The following NEGR1 variants were observed in gnomAD, a reference collection of about 807,000 sequenced individuals.
NEGR1 encodes the protein IgLON family member 4.
Under a neutral mutation model 40.9 loss-of-function variants are expected in NEGR1, and 10 were observed. The observed-to-expected ratio is 0.24, with a 90% confidence interval of 0.15 to 0.42. NEGR1 has a LOEUF of 0.42. Among genes scored for constraint, NEGR1 ranks in the 10% least tolerant of loss-of-function variants. The probability of loss-of-function intolerance (pLI) is 1.00; values close to 1 mark genes in which losing one functional copy is unlikely to be tolerated. For synonymous variants in NEGR1, 185 were observed against 166.8 expected, an observed-to-expected ratio of 1.11 and a Z score of -0.84; for missense variants, 352 against 438.9, an observed-to-expected ratio of 0.80 and a Z score of 1.77.
chr1:72,254,675 C>T (rs2100535491), intron 1 of NEGR1, among the ~76,000 whole-genome samples: 1 of 145,460 alleles, frequency 6.9e-6, no homozygotes, highest in East Asian at 2.0e-4. Context: ...GCACTCCAGC[C>T]TGGGCAACAC....
At chr1:71,992,306 T>C (rs540538510) in intron 1 of NEGR1, among the ~76,000 whole-genome samples, 31 of 152,256 alleles carry the variant, frequency 2.0e-4, no homozygotes, top group Non-Finnish European at 3.4e-4. Context: ...AGAATTTATA[T>C]ACACATTGCT....
At chr1:72,079,012 G>A (rs1647871233) in intron 1 of NEGR1, among the ~76,000 whole-genome samples, 1 of 150,234 alleles carries the variant, frequency 6.7e-6, no homozygotes. Flanking sequence ...TTAATCAAAT[G>A]ATAAATGAGG....
At chr1:71,804,243 A>G (rs1287040126) in intron 2 of NEGR1, among the ~76,000 whole-genome samples, 1 of 152,218 alleles carries the variant, frequency 6.6e-6, no homozygotes, top group Non-Finnish European at 1.5e-5. Flanking sequence ...TAAAGTTGAT[A>G]ATAAACAGCA....
intron 6 of NEGR1, among the ~76,000 whole-genome samples, chr1:71,449,414 A>T (rs569525771): frequency 6.6e-6 from 1 of 152,308 alleles, no homozygotes; most frequent in East Asian, 1.9e-4. Flanking sequence ...ATTTGGATAG[A>T]GGGGTCAGCT....
intron 2 of NEGR1, among the ~76,000 whole-genome samples, chr1:71,799,475 T>C (rs1657474227): frequency 6.6e-6 from 1 of 152,194 alleles, no homozygotes; most frequent in Non-Finnish European, 1.5e-5. Flanking sequence ...TCCAAGTCTT[T>C]GCTAGTGTGA....
intron 6 of NEGR1, chr1:71,484,977 C>T (rs1035108793): frequency 2.6e-5 from 4 of 151,620 alleles, no homozygotes; most frequent in African/African-American, 9.7e-5. Context: ...TATAATAAAC[C>T]TCTAATATTT....
At chr1:72,137,586 G>A (rs1650517575) in intron 1 of NEGR1, among the ~76,000 whole-genome samples, 1 of 151,854 alleles carries the variant, frequency 6.6e-6, no homozygotes, top group African/African-American at 2.4e-5. Context: ...CACAGACTGG[G>A]GGTGGGGGCT....
At position 72,118,547 on chromosome 1, in the gene NEGR1, C is replaced by T. The variant is rs116419443; in HGVS notation, c.176+163772G>A. On this transcript the variant is annotated intron_variant, in intron 1 of 6. Coordinates refer to ENST00000357731, the MANE Select transcript of NEGR1 (RefSeq NM_173808.3). ...GCTAAGGTGGTGTGATCCTGGAAGA[C>T]AGTCAGTAAAGCTGTATCCTGTTTC... Among the ~76,000 whole-genome samples, 862 of 151,828 alleles carry T rather than the reference C, an allele frequency of 5.7e-3. 4 individuals are homozygous for T. Among genetic ancestry groups the T allele is most frequent in the Non-Finnish European group, 9.1e-3 (615 of 67,838 alleles).
At chr1:72,261,443 CAA>C (rs906444772) in intron 1 of NEGR1, among the ~76,000 whole-genome samples, 3 of 151,836 alleles carry the variant, frequency 2.0e-5, no homozygotes, top group African/African-American at 7.3e-5. Context: ...GAAAAAAATC[CAA>C]AATAGTTTTA....
chr1:71,728,116 A>T (rs1654731724), intron 3 of NEGR1, among the ~76,000 whole-genome samples: 1 of 152,200 alleles, frequency 6.6e-6, no homozygotes, highest in African/African-American at 2.4e-5. Context: ...AAGAGTTTCT[A>T]ATGTGAGCAG....
At chr1:72,019,710 A>G (rs571790805) in intron 1 of NEGR1, among the ~76,000 whole-genome samples, 1 of 152,336 alleles carries the variant, frequency 6.6e-6, no homozygotes, top group Admixed American at 6.5e-5. Context: ...AATTTGCCAT[A>G]CAATATCACA....
chr1:71,843,265 C>A (rs1205442085), intron 2 of NEGR1, among the ~76,000 whole-genome samples: 1 of 152,094 alleles, frequency 6.6e-6, no homozygotes, highest in Non-Finnish European at 1.5e-5. Context: ...GAAACAGGGG[C>A]TCTCTAGATC....
intron 2 of NEGR1, among the ~76,000 whole-genome samples, chr1:71,820,252 T>C (rs1419647295): frequency 6.6e-6 from 1 of 151,946 alleles, no homozygotes; most frequent in Admixed American, 6.6e-5. Context: ...CAAAGTTAGA[T>C]GACCAGAAGA....
In NEGR1 at chr1:71,898,961, TAGCA is replaced by T. The variant is rs1424748808; in HGVS notation, c.409+36114_409+36117del. ...ATAATATATTGCAAATATATATATATAGCATATATATATATATAGCATATATATA... is the reference window on the plus strand; with the variant it reads ...ATAATATATTGCAAATATATATATATTATATATATATATAGCATATATATA... On this transcript the variant is annotated intron_variant, in intron 2 of 6. Coordinates refer to ENST00000357731, the MANE Select transcript of NEGR1 (RefSeq NM_173808.3). 9.5e-3 allele frequency among the ~76,000 whole-genome samples: 801 copies of T among 84,686 alleles called. 34 individuals are homozygous for T. Among genetic ancestry groups the T allele is most frequent in the South Asian group, 0.043 (96 of 2,216 alleles). 55.6% of individuals were successfully genotyped at this position (84,686 alleles called of 152,430 possible). A position where few individuals can be genotyped will look rare whatever the true frequency, so the allele number is the denominator to read the frequency against.
chr1:71,539,300 A>G (rs1022282983), intron 6 of NEGR1, among the ~76,000 whole-genome samples: 29 of 151,800 alleles, frequency 1.9e-4, no homozygotes, highest in African/African-American at 7.0e-4. Flanking sequence ...GTAAGTGACT[A>G]TCATATAATT....
intron 6 of NEGR1, among the ~76,000 whole-genome samples, chr1:71,557,349 G>A (rs1265914269): frequency 6.6e-6 from 1 of 151,580 alleles, no homozygotes; most frequent in African/African-American, 2.4e-5. Flanking sequence ...GGGAAATTAG[G>A]CTTTCTTCCA....
At chr1:71,682,032 G>T (rs1652856061) in intron 4 of NEGR1, among the ~76,000 whole-genome samples, 1 of 151,764 alleles carries the variant, frequency 6.6e-6, no homozygotes, top group Non-Finnish European at 1.5e-5. Flanking sequence ...TTGCCATGTT[G>T]GCCAGGCTGG....
intron 6 of NEGR1, among the ~76,000 whole-genome samples, chr1:71,438,273 T>G (rs559945207): frequency 1.3e-5 from 2 of 152,320 alleles, no homozygotes; most frequent in Admixed American, 6.5e-5. Context: ...CACCAATAAT[T>G]AATGGATCTT....
At chr1:72,264,997 C>A (rs536975224) in intron 1 of NEGR1, among the ~76,000 whole-genome samples, 1 of 150,250 alleles carries the variant, frequency 6.7e-6, no homozygotes, top group South Asian at 2.1e-4. Flanking sequence ...AATAAATTTC[C>A]GGTTATTTAT....
Sources: allele counts gnomAD v4.1 joint callset (sites outside exome capture counted in the v4.1 genomes callset), GRCh38; gene constraint gnomAD v4.1.1; transcripts MANE v1.5; gene names NCBI Gene and HGNC (gene_info 2026-07-23, HGNC 2026-07-21).